The following ASTN2 variants were observed in gnomAD, a reference collection of about 807,000 sequenced individuals.
ASTN2 encodes astrotactin 2.
In ASTN2, 54 loss-of-function variants were observed where a neutral mutation model predicts 139.8. That is an observed-to-expected ratio of 0.39 (90% CI 0.31 to 0.48). The LOEUF (loss-of-function observed/expected upper bound fraction) is 0.48, where lower values mean the gene tolerates loss of function less well. Ranked by LOEUF, ASTN2 falls within the 20% of genes least tolerant of loss-of-function variation. The pLI is 0.95. For synonymous variants in ASTN2, 756 were observed against 719.5 expected (o/e 1.05, Z -0.81); for missense variants, 1,565 against 1,725.1 (o/e 0.91, Z 1.64).
At chr9:117,025,782 T>A (rs1249976650) in intron 6 of ASTN2, among the ~76,000 whole-genome samples, 2 of 148,844 alleles carry the variant, frequency 1.3e-5, no homozygotes, top group African/African-American at 5.2e-5. Flanking sequence ...GTGGTTTTTC[T>A]TTTTTCTTTT....
chr9:116,471,049 T>A (rs949734375), intron 20 of ASTN2, among the ~76,000 whole-genome samples: 22 of 152,376 alleles, frequency 1.4e-4, no homozygotes, highest in Non-Finnish European at 2.5e-4. Context: ...AATGATTTTT[T>A]AAATTGATTT....
At chr9:116,440,209 A>G (rs890540608) in intron 22 of ASTN2, among the ~76,000 whole-genome samples, 4 of 152,164 alleles carry the variant, frequency 2.6e-5, no homozygotes, top group African/African-American at 7.2e-5. Flanking sequence ...ATTTACTGTA[A>G]AAAAACTCAG....
At chr9:117,168,392 T>C (rs1792855402) in intron 3 of ASTN2, among the ~76,000 whole-genome samples, 1 of 152,112 alleles carries the variant, frequency 6.6e-6, no homozygotes, top group South Asian at 2.1e-4. Context: ...CACACACCTT[T>C]GATGAAGTAT....
chr9:116,917,340 C>CG (rs1172962142), intron 10 of ASTN2, among the ~76,000 whole-genome samples: 2 of 151,878 alleles, frequency 1.3e-5, no homozygotes, highest in African/African-American at 4.9e-5. Context: ...AGCCCCACCC[C>CG]CCAACTAGAC....
chr9:116,553,702 G>T lies in ASTN2; in HGVS notation c.3355+64622C>A, dbSNP rs796713493. On this transcript the variant is annotated intron_variant, in intron 19 of 22. Transcript: ENST00000313400. The stretch of plus-strand genomic sequence containing the variant: ...GGGCCTCCACTTTTCCATGCATGAG[G>T]TAGGGACCACAGCACTTACCTAGCA... Among the ~76,000 whole-genome samples, 14 of 152,292 alleles carry T rather than the reference G, an allele frequency of 9.2e-5. 2 individuals are homozygous for T. The highest frequency in any genetic ancestry group is 3.1e-4 in the African/African-American group (13 of 41,574).
chr9:116,792,032 G>A (rs1830573786), intron 13 of ASTN2, among the ~76,000 whole-genome samples: 1 of 151,866 alleles, frequency 6.6e-6, no homozygotes, highest in Non-Finnish European at 1.5e-5. Context: ...GACCAGGTTT[G>A]GTATATTTAG....
chr9:116,738,115 C>G (rs1026999629), intron 13 of ASTN2, among the ~76,000 whole-genome samples: 2 of 146,430 alleles, frequency 1.4e-5, no homozygotes, highest in African/African-American at 5.0e-5. Flanking sequence ...TGGCGTGAAC[C>G]CGGGAGGCGG....
chr9:117,303,865 A>G (rs992110334), intron 1 of ASTN2, among the ~76,000 whole-genome samples: 1 of 152,230 alleles, frequency 6.6e-6, no homozygotes, highest in Non-Finnish European at 1.5e-5. Flanking sequence ...GAAAATGACG[A>G]AAGTGACACA....
In ASTN2 at chr9:117,027,078, T is replaced by C. The variant is rs1340605034; in HGVS notation, c.1423+12741A>G. On this transcript the variant is annotated intron_variant, in intron 6 of 22. Coordinates refer to ENST00000313400, the MANE Select transcript of ASTN2 (RefSeq NM_001365068.1). The stretch of plus-strand genomic sequence containing the variant: ...CAAAAAGTAGTAGTTCAGGACCATT[T>C]AACAAGGAGACTCGACTTAGACTGA... Among the ~76,000 whole-genome samples the C allele has an allele frequency of 8.5e-5, 13 of 152,320 alleles. No individual in the cohort carries two copies. In the East Asian group the frequency reaches 2.3e-3, roughly 27 times the overall value.
At chr9:116,843,552 G>A (rs900777939) in intron 11 of ASTN2, among the ~76,000 whole-genome samples, 4 of 151,834 alleles carry the variant, frequency 2.6e-5, no homozygotes, top group East Asian at 1.9e-4. Context: ...TCAGGTACTC[G>A]GGAGGGTGAT....
In ASTN2 at chr9:117,188,195, A is replaced by G. The variant is rs562882157; in HGVS notation, c.1015+26163T>C. On this transcript the variant is annotated intron_variant, in intron 3 of 22. Coordinates refer to ENST00000313400, the MANE Select transcript of ASTN2 (RefSeq NM_001365068.1). Reference sequence around the variant, plus strand: ...GAGAGAGAGAGAGAGAGAGAGAGACAGAGAGAGAGAGAGAGAGGAAATCAC... The same window carrying G: ...GAGAGAGAGAGAGAGAGAGAGAGACGGAGAGAGAGAGAGAGAGGAAATCAC... Among the ~76,000 whole-genome samples the G allele has an allele frequency of 2.2e-3, 144 of 65,696 alleles. 1 individual carries two copies. The highest frequency in any genetic ancestry group is 6.8e-3 in the African/African-American group (126 of 18,416). 43.1% of individuals were successfully genotyped at this position (65,696 alleles called of 152,430 possible). A position where few individuals can be genotyped will look rare whatever the true frequency, so the allele number is the denominator to read the frequency against.
chr9:117,085,783 C>T (rs1828545094), intron 5 of ASTN2, among the ~76,000 whole-genome samples: 1 of 152,192 alleles, frequency 6.6e-6, no homozygotes, highest in Non-Finnish European at 1.5e-5. Context: ...CAGACACAGA[C>T]ATGGGTATCC....
chr9:116,613,856 G>C (rs1855688330), intron 19 of ASTN2, among the ~76,000 whole-genome samples: 1 of 152,166 alleles, frequency 6.6e-6, no homozygotes, highest in Admixed American at 6.5e-5. Context: ...ATTCAACATA[G>C]TGTTGGAAGT....
At chr9:117,407,664 T>C (rs1373908209) in intron 1 of ASTN2, among the ~76,000 whole-genome samples, 1 of 152,172 alleles carries the variant, frequency 6.6e-6, no homozygotes, top group Non-Finnish European at 1.5e-5. Flanking sequence ...GGAGTTCTTT[T>C]GGGGGGCTAT....
chr9:117,115,978 T>C (rs1829377281), intron 4 of ASTN2, among the ~76,000 whole-genome samples: 1 of 150,114 alleles, frequency 6.7e-6, no homozygotes, highest in Non-Finnish European at 1.5e-5. Context: ...TGAGCTGAGA[T>C]TGTGCCACTG....
chr9:117,232,757 T>C (rs1832932650), intron 2 of ASTN2, among the ~76,000 whole-genome samples: 1 of 152,248 alleles, frequency 6.6e-6, no homozygotes, highest in Non-Finnish European at 1.5e-5. Context: ...CACCAGAAAC[T>C]CTATTGTCTC....
chr9:116,921,773 G>A (rs928577381), intron 10 of ASTN2, among the ~76,000 whole-genome samples: 1 of 152,066 alleles, frequency 6.6e-6, no homozygotes, highest in Non-Finnish European at 1.5e-5. Context: ...GGAGGAACTG[G>A]CTAAACACTT....
chr9:117,266,003 G>A (rs575732924), intron 2 of ASTN2, among the ~76,000 whole-genome samples: 1 of 152,120 alleles, frequency 6.6e-6, no homozygotes, highest in Non-Finnish European at 1.5e-5. Flanking sequence ...CATAAGATTT[G>A]CTCTAGTGGT....
chr9:117,256,062 G>A (rs376696983), intron 2 of ASTN2, among the ~76,000 whole-genome samples: 6 of 152,160 alleles, frequency 3.9e-5, no homozygotes, highest in Non-Finnish European at 8.8e-5. Context: ...ACACTGCCTC[G>A]TTTTCAATGC....
Sources: allele counts gnomAD v4.1 joint callset (sites outside exome capture counted in the v4.1 genomes callset), GRCh38; gene constraint gnomAD v4.1.1; transcripts MANE v1.5; gene names NCBI Gene and HGNC (gene_info 2026-07-23, HGNC 2026-07-21).